The following EAPP variants were observed in gnomAD, a reference collection of about 807,000 sequenced individuals.
The protein encoded by EAPP is E2F-associated phosphoprotein.
In EAPP, 38 loss-of-function variants were observed where a neutral mutation model predicts 34.3. The observed-to-expected ratio is 1.11, with a 90% confidence interval of 0.85 to 1.45. The LOEUF (loss-of-function observed/expected upper bound fraction) is 1.45. EAPP is among the 40% of genes most tolerant of loss of function. The pLI is 0.00. For synonymous variants in EAPP, 113 were observed against 117.6 expected (o/e 0.96, Z 0.25); for missense variants, 338 against 343.7 (o/e 0.98, Z 0.13).
Position 34,524,775 on chromosome 14 carries a change from T to A in EAPP, c.503A>T (p.Gln168Leu). ...YHGLGPQRSRQQQPVPNSDAV... is the reference protein window; with the variant it reads ...YHGLGPQRSRLQQPVPNSDAV... ...ATCACTATTTGGAACAGGCTGTTGTTGACGTGATCTCTGTGGTCCCAAACC... is the reference window on the plus strand; with the variant it reads ...ATCACTATTTGGAACAGGCTGTTGTAGACGTGATCTCTGTGGTCCCAAACC... Residue 168 changes from glutamine to leucine, a missense_variant, in exon 5 of 6, where the codon CAA becomes CTA. Transcript: ENST00000250454. 6.2e-7 allele frequency: 1 copy of A among 1,613,520 alleles called. No individual in the cohort carries two copies.
chr14:34,527,409 G>T (rs1040371705), intron 4 of EAPP, among the ~76,000 whole-genome samples: 2 of 152,024 alleles, frequency 1.3e-5, no homozygotes, highest in African/African-American at 2.4e-5. Flanking sequence ...TGTGCCTACA[G>T]TCACAGCTAC....
Position 34,516,129 on chromosome 14 carries a change from G to GAAA in EAPP, c.*178_*180dup. ...CCCATCAATAAGGGGGAAAATCAAA[G>GAAA]AAAAAAAAAAGGAGAGGGTGAGAGA... is the stretch of plus-strand genomic sequence containing the variant. On this transcript the variant is annotated 3_prime_UTR_variant, in exon 6 of 6. Transcript: ENST00000250454. 2.1e-6 allele frequency: 1 copy of GAAA among 468,490 alleles called. No homozygotes were observed. Among genetic ancestry groups the GAAA allele is most frequent in the Non-Finnish European group, 3.5e-6 (1 of 282,118 alleles). 29.0% of individuals were successfully genotyped at this position (468,490 alleles called of 1,614,324 possible).
At chr14:34,517,251 T>TC (rs202100396) in intron 5 of EAPP, among the ~76,000 whole-genome samples, 8,884 of 146,624 alleles carry the variant, frequency 0.061, 559 homozygotes, top group African/African-American at 0.16. Context: ...TCTATTTCTT[T>TC]TTTTTTTTTT....
chr14:34,516,156 G>T lies in EAPP; in HGVS notation c.*154C>A. 6.0e-6 allele frequency: 4 copies of T among 662,348 alleles called. No homozygotes were observed. Among genetic ancestry groups the T allele is most frequent in the South Asian group, 5.2e-5 (2 of 38,726 alleles). 41.0% of individuals were successfully genotyped at this position (662,348 alleles called of 1,614,324 possible). On this transcript the variant is annotated 3_prime_UTR_variant, in exon 6 of 6. Transcript: ENST00000250454. ...AAAAAAAAAGGAGAGGGTGAGAGAT[G>T]TAAGAGATGAATGAAGGTTGACAAC...
At chr14:34,535,695 G>A (rs564813414) in intron 2 of EAPP, among the ~76,000 whole-genome samples, 4 of 152,106 alleles carry the variant, frequency 2.6e-5, no homozygotes, top group African/African-American at 9.6e-5. Flanking sequence ...GCCTCCCAAA[G>A]TGCTAGGATT....
rs767817127 is a variant in EAPP at position 34,536,125 on chromosome 14, T to C, written c.225A>G (p.Thr75=). 4 of 1,611,478 alleles carry C rather than the reference T, an allele frequency of 2.5e-6. No individual in the cohort carries two copies. The highest frequency in any genetic ancestry group is 3.4e-6 in the Non-Finnish European group (4 of 1,179,332). ...CCAGAGAGGATAACTTGTCCTCCAT[T>C]GTTTTCATGGTAGAATTTAATTCAG... ...MEAELNSTMK[T]MEDKLSSLGT... is the part of the protein sequence containing the mutation. Residue 75 remains threonine, a synonymous_variant, in exon 2 of 6, where the codon ACA becomes ACG. Transcript: ENST00000250454.
intron 1 of EAPP, 65 bp from the exon 2 acceptor site, chr14:34,536,340 GC>G (rs2138225876): frequency 1.6e-6 from 2 of 1,257,208 alleles, no homozygotes; most frequent in East Asian, 2.6e-5. Context: ...TAAACTCCCA[GC>G]ATCTCACTGT....
intron 1 of EAPP, chr14:34,539,275 A>G (rs969015582): frequency 9.6e-6 from 6 of 626,168 alleles, no homozygotes; most frequent in African/African-American, 9.0e-5. Context: ...CTCTGCTACT[A>G]AGGTGTAGAG....
chr14:34,539,477 G>A (rs754555376), intron 1 of EAPP, 78 bp downstream of exon 1: 31 of 1,479,310 alleles, frequency 2.1e-5, no homozygotes, highest in Admixed American at 6.8e-5. Flanking sequence ...CGTAGGCTCG[G>A]CAGGCGCAAC....
At chr14:34,527,235 A>G (rs1269907681) in intron 4 of EAPP, among the ~76,000 whole-genome samples, 1 of 151,752 alleles carries the variant, frequency 6.6e-6, no homozygotes, top group Non-Finnish European at 1.5e-5. Flanking sequence ...CAGGAGGTGA[A>G]GACAGGAGGA....
chr14:34,536,414 T>A, intron 1 of EAPP, 139 bp from the exon 2 acceptor site: 1 of 556,158 alleles, frequency 1.8e-6, no homozygotes, highest in Non-Finnish European at 2.9e-6. Context: ...CATATAGCTA[T>A]TCTCACTTAA....
At chr14:34,535,357 T>C (rs1417794838) in intron 2 of EAPP, among the ~76,000 whole-genome samples, 2 of 151,814 alleles carry the variant, frequency 1.3e-5, no homozygotes, top group African/African-American at 2.4e-5. Context: ...CTCGAACTCC[T>C]GACCTCAGGT....
chr14:34,531,647 A>T (rs12895457), intron 3 of EAPP, among the ~76,000 whole-genome samples: 38,425 of 152,120 alleles, frequency 0.25, 6,138 homozygotes, highest in Non-Finnish European at 0.37. Context: ...TAACAGGTCA[A>T]TATTTAAGTA....
Position 34,516,446 on chromosome 14 carries a change from T to A in EAPP, c.722A>T (p.Asp241Val). ...VHKKMRSNRE[D>V]AAEKAETDVE... is the part of the protein sequence containing the mutation. ...ATCTGTCTCTGCCTTCTCGGCAGCA[T>A]CTTCCCGGTTAGACCTCATCTTCTT... The change falls in exon 6 of 6, where the codon GAT (aspartate) becomes GTT (valine). Residue 241 changes from aspartate (D) to valine (V), a missense_variant. By Grantham distance (152) the Asp-to-Val change is radical. Coordinates refer to ENST00000250454, the MANE Select transcript of EAPP (RefSeq NM_018453.4). 6.2e-7 allele frequency: 1 copy of A among 1,614,240 alleles called. No homozygotes were observed. Among genetic ancestry groups the A allele is most frequent in the Non-Finnish European group, 8.5e-7 (1 of 1,180,046 alleles).
chr14:34,539,397 C>T (rs1169865943), intron 1 of EAPP, 158 bp downstream of exon 1: 4 of 786,312 alleles, frequency 5.1e-6, no homozygotes, highest in Non-Finnish European at 6.5e-6. Context: ...GACTGCGCGA[C>T]CCCATCAGGA....
intron 2 of EAPP, among the ~76,000 whole-genome samples, chr14:34,535,128 G>C (rs905012115): frequency 1.6e-5 from 2 of 128,038 alleles, no homozygotes; most frequent in African/African-American, 5.4e-5. Flanking sequence ...GAGCCACCAC[G>C]CCTGGCCTTT....
intron 5 of EAPP, among the ~76,000 whole-genome samples, chr14:34,519,489 C>T (rs901371140): frequency 5.3e-5 from 8 of 150,986 alleles, no homozygotes; most frequent in Admixed American, 4.6e-4. Flanking sequence ...GAGCCAAGAT[C>T]GTGCCACTGC....
In EAPP at chr14:34,527,394, C is replaced by T. The variant is rs987770955; in HGVS notation, c.470+1964G>A. Among the ~76,000 whole-genome samples the T allele has an allele frequency of 4.0e-5, 6 of 151,838 alleles. No homozygotes were observed. The East Asian group carries it at 5.8e-4, about 15-fold the overall frequency. On this transcript the variant is annotated intron_variant, in intron 4 of 5. Transcript: ENST00000250454. ...GGGAGGAGTGCTTGAACCCGGGAGG[C>T]GGTGTGTGCCTACAGTCACAGCTAC...
chr14:34,532,152 T>G (rs569551864), intron 3 of EAPP, among the ~76,000 whole-genome samples: 8 of 150,664 alleles, frequency 5.3e-5, no homozygotes, highest in African/African-American at 1.7e-4. Flanking sequence ...AATCAACGCA[T>G]TAAGAAAAAT....
Sources: gnomAD v4.1 joint callset for allele counts (sites outside exome capture counted in the v4.1 genomes callset) on GRCh38, gnomAD v4.1.1 for gene constraint, MANE v1.5 for transcripts, NCBI Gene and HGNC (gene_info 2026-07-23, HGNC 2026-07-21) for gene names.